SPTLC2: variants seen among roughly 807,000 people sequenced by gnomAD.
SPTLC2 encodes the protein serine palmitoyltransferase 2.
A neutral mutation model predicts 62.0 loss-of-function variants in SPTLC2; 21 were observed. That is an observed-to-expected ratio of 0.34 (90% CI 0.24 to 0.49). The LOEUF (loss-of-function observed/expected upper bound fraction) is 0.49. Ranked by LOEUF, SPTLC2 falls within the 20% of genes least tolerant of loss-of-function variation. The pLI is 0.99. For synonymous variants in SPTLC2, 261 were observed against 261.8 expected (o/e 1.00, Z 0.03); for missense variants, 511 against 713.0 (o/e 0.72, Z 3.23).
At chr14:77,581,862 T>C (rs1412870029) in intron 2 of SPTLC2, among the ~76,000 whole-genome samples, 3 of 152,136 alleles carry the variant, frequency 2.0e-5, no homozygotes, top group Non-Finnish European at 2.9e-5. Flanking sequence ...TGAATGAAAA[T>C]AGGAATAGAG....
Position 77,570,489 on chromosome 14 carries a change from T to C in SPTLC2, c.651A>G (p.Glu217=), listed in dbSNP as rs770372593. 1.2e-6 allele frequency: 2 copies of C among 1,614,000 alleles called. No homozygotes were observed. Among genetic ancestry groups the C allele is most frequent in the Admixed American group, 3.3e-5 (2 of 60,008 alleles). The stretch of plus-strand genomic sequence containing the variant: ...ACCTTGCTACAAGCTCCTCTAGTTC[T>C]TCATGCTTGTCCAGGTTTCCTGTGT... The part of the protein sequence containing the change: ...RQEIGNLDKH[E]ELEELVARFL... Residue 217 remains glutamate (E), a synonymous_variant, in exon 5 of 12, where the codon GAA becomes GAG. Coordinates refer to ENST00000216484, the MANE Select transcript of SPTLC2 (RefSeq NM_004863.4).
intron 9 of SPTLC2, among the ~76,000 whole-genome samples, chr14:77,541,639 T>C (rs540363503): frequency 6.6e-6 from 1 of 152,336 alleles, no homozygotes; most frequent in Non-Finnish European, 1.5e-5. Context: ...GTCACTTTCT[T>C]TGAACAGCTC....
At chr14:77,555,620 CTTTT>C (rs967283106) in intron 7 of SPTLC2, 101 bp from the exon 8 acceptor site, 2 of 978,436 alleles carry the variant, frequency 2.0e-6, no homozygotes, top group African/African-American at 3.4e-5. Context: ...TTTACTGCTT[CTTTT>C]TTTTTTCTTG....
chr14:77,572,438 C>T (rs143717359), intron 4 of SPTLC2, among the ~76,000 whole-genome samples: 6 of 152,256 alleles, frequency 3.9e-5, no homozygotes, highest in South Asian at 4.2e-4. Context: ...GATATTTTGA[C>T]GTCCTCATTC....
rs2079316817 is a variant in SPTLC2 at position 77,508,491 on chromosome 14, C to T, written c.*3793G>A. ...GCCTACGGCATGACTGGCAGTTCTGCACTGTTGCCCAATCCCGGATCACTA... is the reference window on the plus strand; with the variant it reads ...GCCTACGGCATGACTGGCAGTTCTGTACTGTTGCCCAATCCCGGATCACTA... On this transcript the variant is annotated 3_prime_UTR_variant, in exon 12 of 12. Coordinates refer to ENST00000216484, the MANE Select transcript of SPTLC2 (RefSeq NM_004863.4). 6.6e-6 allele frequency: 1 copy of T among 152,226 alleles called. No homozygotes were observed. Among genetic ancestry groups the T allele is most frequent in the Admixed American group, 6.5e-5 (1 of 15,282 alleles). 9.4% of individuals were successfully genotyped at this position (152,226 alleles called of 1,614,324 possible).
chr14:77,612,288 T>C (rs1164504746), intron 1 of SPTLC2, among the ~76,000 whole-genome samples: 1 of 152,240 alleles, frequency 6.6e-6, no homozygotes, highest in Non-Finnish European at 1.5e-5. Context: ...CTATGGCACA[T>C]GGGCAAACCC....
intron 4 of SPTLC2, among the ~76,000 whole-genome samples, chr14:77,575,959 C>CCACCG (rs2079713355): frequency 1.3e-5 from 2 of 152,202 alleles, no homozygotes; most frequent in South Asian, 4.1e-4. Context: ...AGAGCTCCAG[C>CCACCG]CACCGCAGCC....
chr14:77,576,814 A>C lies in SPTLC2; in HGVS notation c.584T>G (p.Val195Gly). The C allele has an allele frequency of 6.2e-7, 1 of 1,614,220 alleles. No individual in the cohort carries two copies. The highest frequency in any genetic ancestry group is 2.2e-5 in the East Asian group (1 of 44,882). ...CACTCCAGCTCCATACTCCTCAAGG[A>C]CTTTGGCGGCTGCTTCTTGACATGA... ...TGSCQEAAAK[V>G]LEEYGAGVCS... The change falls in exon 4 of 12, where the codon GTC becomes GGC. Residue 195 changes from valine (V) to glycine (G), a missense_variant. By Grantham distance (109) the Val-to-Gly change is moderately radical. Transcript: ENST00000216484.
chr14:77,521,471 TCAAAGGCACTA>T lies in SPTLC2; in HGVS notation c.1403_1413del (p.Val468AspfsTer34), dbSNP rs2079384603. The T allele has an allele frequency of 5.6e-6, 9 of 1,614,146 alleles. No individual in the cohort carries two copies. The highest frequency in any genetic ancestry group is 1.3e-5 in the African/African-American group (1 of 75,030). ...CCAATTTTGGCAGGCATGTAGAGCA[TCAAAGGCACTA>T]CTGGAGAGTCTTCATTTCCATAGAT... On this transcript the variant is annotated frameshift_variant, in exon 10 of 12. Transcript: ENST00000216484. LOFTEE classifies it high-confidence loss of function.
intron 9 of SPTLC2, among the ~76,000 whole-genome samples, chr14:77,548,616 C>T (rs147505743): frequency 8.1e-4 from 123 of 152,298 alleles, no homozygotes; most frequent in African/African-American, 2.6e-3. Flanking sequence ...TATTCCCACT[C>T]CAGGTACAGG....
intron 1 of SPTLC2, among the ~76,000 whole-genome samples, chr14:77,603,608 T>A (rs1006218123): frequency 6.6e-6 from 1 of 152,156 alleles, no homozygotes; most frequent in African/African-American, 2.4e-5. Context: ...CAGCATAAAT[T>A]CCTTAGTTTT....
chr14:77,591,315 C>T (rs980454762), intron 2 of SPTLC2, among the ~76,000 whole-genome samples: 1 of 152,022 alleles, frequency 6.6e-6, no homozygotes, highest in Non-Finnish European at 1.5e-5. Context: ...TAGTGGCTGC[C>T]GAGGGTGGGG....
At chr14:77,593,442 T>G (rs1340976214) in intron 2 of SPTLC2, among the ~76,000 whole-genome samples, 1 of 152,178 alleles carries the variant, frequency 6.6e-6, no homozygotes, top group Non-Finnish European at 1.5e-5. Flanking sequence ...ATCTGTCACG[T>G]ACGTGTTTCT....
In SPTLC2 at chr14:77,555,522, G is replaced by A; in HGVS notation, c.957-3C>T. ...GACGAACAATAGATCCCTCCATGCT[G>A]GCAAAACATGAAAAAATATATATAT... On this transcript the variant is annotated splice_polypyrimidine_tract_variant and splice_region_variant and intron_variant, in intron 7 of 11. Coordinates refer to ENST00000216484, the MANE Select transcript of SPTLC2 (RefSeq NM_004863.4). 1 of 1,613,866 alleles carries A rather than the reference G, an allele frequency of 6.2e-7. No homozygotes were observed. The highest frequency in any genetic ancestry group is 1.1e-5 in the South Asian group (1 of 91,054).
chr14:77,572,347 T>C (rs2079688762), intron 4 of SPTLC2, among the ~76,000 whole-genome samples: 3 of 152,224 alleles, frequency 2.0e-5, no homozygotes, highest in African/African-American at 7.2e-5. Context: ...AGTGGACATC[T>C]GTAATTCTGA....
intron 9 of SPTLC2, among the ~76,000 whole-genome samples, chr14:77,533,288 G>A (rs536337380): frequency 6.3e-5 from 8 of 127,320 alleles, no homozygotes; most frequent in Admixed American, 9.1e-5. Context: ...TGACAAGAGC[G>A]AAACTCCGTT....
At chr14:77,543,385 G>T (rs921539000) in intron 9 of SPTLC2, among the ~76,000 whole-genome samples, 1 of 152,128 alleles carries the variant, frequency 6.6e-6, no homozygotes, top group African/African-American at 2.4e-5. Flanking sequence ...GAGACAAAGA[G>T]ATAAGGAACG....
intron 4 of SPTLC2, 110 bp downstream of exon 4, chr14:77,576,657 T>C (rs1301814262): frequency 1.4e-6 from 2 of 1,457,120 alleles, no homozygotes; most frequent in Non-Finnish European, 1.9e-6. Flanking sequence ...CTTATCTAAA[T>C]GACATGACAA....
At chr14:77,532,645 G>A (rs916506662) in intron 9 of SPTLC2, among the ~76,000 whole-genome samples, 2 of 151,988 alleles carry the variant, frequency 1.3e-5, no homozygotes, top group Non-Finnish European at 2.9e-5. Context: ...TTAGCTGGGT[G>A]TGGTGGCAGG....
Sources: allele counts gnomAD v4.1 joint callset (sites outside exome capture counted in the v4.1 genomes callset), GRCh38; gene constraint gnomAD v4.1.1; transcripts MANE v1.5; gene names NCBI Gene and HGNC (gene_info 2026-07-23, HGNC 2026-07-21).